Variants in PLXDC2 observed in about 807,000 individuals in gnomAD.
The protein encoded by PLXDC2 is plexin domain containing 2, also known as plexin domain-containing protein 2.
PLXDC2 carries 40 observed loss-of-function variants against 68.9 expected under a neutral mutation model. The ratio of observed to expected loss-of-function variants is 0.58; its 90% CI spans 0.45 to 0.76. The LOEUF is 0.76. PLXDC2 is among the 30% of genes least tolerant of loss of function. PLXDC2 has a pLI of 0.00. For missense variants in PLXDC2, 644 were observed against 661.9 expected, an observed-to-expected ratio of 0.97 and a Z score of 0.30; for synonymous variants, 243 against 234.2, an observed-to-expected ratio of 1.04 and a Z score of -0.34.
chr10:19,893,290 A>C (rs1306395189), intron 1 of PLXDC2, among the ~76,000 whole-genome samples: 1 of 152,148 alleles, frequency 6.6e-6, no homozygotes. Flanking sequence ...GAAGTGTCTA[A>C]TATTCTTGAT....
chr10:19,945,327 C>A (rs983587320), intron 1 of PLXDC2, among the ~76,000 whole-genome samples: 3 of 152,150 alleles, frequency 2.0e-5, no homozygotes, highest in Non-Finnish European at 2.9e-5. Flanking sequence ...GGTGGTTTAA[C>A]AAGGGAGTCC....
intron 7 of PLXDC2, among the ~76,000 whole-genome samples, chr10:20,171,911 A>T (rs1834451766): frequency 6.6e-6 from 1 of 152,054 alleles, no homozygotes; most frequent in African/African-American, 2.4e-5. Context: ...CCAGTTCCAG[A>T]CCAGCCTGGA....
At chr10:20,036,392 A>G (rs2131672218) in intron 2 of PLXDC2, among the ~76,000 whole-genome samples, 1 of 152,286 alleles carries the variant, frequency 6.6e-6, no homozygotes, top group East Asian at 1.9e-4. Context: ...CAATGAAAAC[A>G]GAATCAGCTG....
At chr10:19,861,828 T>C (rs1564612448) in intron 1 of PLXDC2, among the ~76,000 whole-genome samples, 1 of 152,176 alleles carries the variant, frequency 6.6e-6, no homozygotes, top group South Asian at 2.1e-4. Flanking sequence ...AATATCTCCA[T>C]TGGACTCTGA....
chr10:20,241,357 CTTGCCCTCT>C (rs1024922691), intron 12 of PLXDC2, among the ~76,000 whole-genome samples: 12 of 152,148 alleles, frequency 7.9e-5, no homozygotes, highest in African/African-American at 2.9e-4. Context: ...AAACATGACC[CTTGCCCTCT>C]TTTTCCTTCC....
intron 4 of PLXDC2, among the ~76,000 whole-genome samples, chr10:20,099,904 G>A (rs899505184): frequency 2.0e-5 from 3 of 151,974 alleles, no homozygotes; most frequent in South Asian, 2.1e-4. Context: ...AATACTGCAC[G>A]GTTACGATTT....
At chr10:20,042,470 A>G (rs74119606) in intron 2 of PLXDC2, among the ~76,000 whole-genome samples, 3,345 of 152,306 alleles carry the variant, frequency 0.022, 155 homozygotes, top group African/African-American at 0.076. Context: ...ATGATCTTCA[A>G]GTGGTGGCCC....
intron 4 of PLXDC2, among the ~76,000 whole-genome samples, chr10:20,097,480 C>G (rs181331579): frequency 1.3e-5 from 2 of 152,172 alleles, no homozygotes; most frequent in African/African-American, 4.8e-5. Context: ...AGAGCAGGAT[C>G]TTTTTCCCAT....
chr10:20,008,508 G>A (rs1029484092), intron 2 of PLXDC2, among the ~76,000 whole-genome samples: 3 of 152,132 alleles, frequency 2.0e-5, no homozygotes, highest in African/African-American at 4.8e-5. Flanking sequence ...AGCCGAGATC[G>A]TGTCATGACA....
intron 3 of PLXDC2, among the ~76,000 whole-genome samples, chr10:20,059,233 T>C (rs761106415): frequency 2.6e-5 from 4 of 152,188 alleles, no homozygotes; most frequent in African/African-American, 7.2e-5. Context: ...AAGTGTTCTT[T>C]ATAAAATCCT....
At chr10:20,082,520 A>G (rs1204161479) in intron 4 of PLXDC2, among the ~76,000 whole-genome samples, 1 of 152,226 alleles carries the variant, frequency 6.6e-6, no homozygotes, top group Non-Finnish European at 1.5e-5. Flanking sequence ...AGTTAAAACT[A>G]TAGAGATGCT....
At chr10:19,910,960 G>A (rs1176182428) in intron 1 of PLXDC2, among the ~76,000 whole-genome samples, 1 of 152,104 alleles carries the variant, frequency 6.6e-6, no homozygotes, top group Non-Finnish European at 1.5e-5. Flanking sequence ...AGTGAGCTGA[G>A]ATCATGCCAC....
chr10:20,126,713 AAC>A (rs373764331), intron 4 of PLXDC2, among the ~76,000 whole-genome samples: 583 of 17,712 alleles, frequency 0.033, 67 homozygotes, highest in African/African-American at 0.16. Context: ...ATGTATATAT[AAC>A]ACACACGTTA....
rs569286088 is a variant in PLXDC2 at position 20,210,286 on chromosome 10, TAA to T, written c.1062-1380_1062-1379del. The stretch of plus-strand genomic sequence containing the variant: ...CAACAATTATAAGAATATAGTATAA[TAA>T]AAGTTATATTAATGTGATCTTTTCC... On this transcript the variant is annotated intron_variant, in intron 9 of 13. Transcript: ENST00000377252. Among the ~76,000 whole-genome samples the T allele has an allele frequency of 1.1e-4, 17 of 152,300 alleles. No individual in the cohort carries two copies. The South Asian group carries it at 3.3e-3, about 30-fold the overall frequency.
chr10:20,028,980 T>C (rs1406986019), intron 2 of PLXDC2, among the ~76,000 whole-genome samples: 1 of 152,190 alleles, frequency 6.6e-6, no homozygotes, highest in African/African-American at 2.4e-5. Context: ...TCAATTCACA[T>C]TACTCCTGTG....
At chr10:20,056,053 A>G (rs1281536579) in intron 3 of PLXDC2, among the ~76,000 whole-genome samples, 2 of 152,162 alleles carry the variant, frequency 1.3e-5, no homozygotes, top group African/African-American at 2.4e-5. Context: ...TATTACAACT[A>G]TGAGACCTTG....
intron 1 of PLXDC2, among the ~76,000 whole-genome samples, chr10:19,883,816 T>G (rs1837784429): frequency 1.3e-5 from 2 of 150,388 alleles, no homozygotes; most frequent in African/African-American, 4.9e-5. Flanking sequence ...TACTTGTTAG[T>G]GCTACGGAAG....
At chr10:20,067,409 G>A (rs1836230504) in intron 3 of PLXDC2, among the ~76,000 whole-genome samples, 1 of 152,112 alleles carries the variant, frequency 6.6e-6, no homozygotes, top group Non-Finnish European at 1.5e-5. Context: ...AGGTCAGCCG[G>A]GCATGGTGGC....
chr10:20,127,053 A>G (rs893255129), intron 4 of PLXDC2, among the ~76,000 whole-genome samples: 1 of 151,962 alleles, frequency 6.6e-6, no homozygotes, highest in East Asian at 1.9e-4. Context: ...AAGCATCTAA[A>G]GAAATTATTG....
Sources: allele counts gnomAD v4.1 joint callset (sites outside exome capture counted in the v4.1 genomes callset), GRCh38; gene constraint gnomAD v4.1.1; transcripts MANE v1.5; gene names NCBI Gene and HGNC (gene_info 2026-07-23, HGNC 2026-07-21).